The following ITIH4 variants were observed in gnomAD, a reference collection of about 807,000 sequenced individuals.
ITIH4 encodes inter-alpha-trypsin inhibitor heavy chain H4.
Under a neutral mutation model 111.8 loss-of-function variants are expected in ITIH4, and 79 were observed. The observed-to-expected ratio is 0.71, with a 90% confidence interval of 0.59 to 0.85. ITIH4 has a LOEUF of 0.85. Ranked by LOEUF, ITIH4 falls within the 40% of genes least tolerant of loss-of-function variation. ITIH4 has a pLI of 0.00. For missense variants in ITIH4, 1,065 were observed against 1,195.8 expected, an observed-to-expected ratio of 0.89 and a Z score of 1.61; for synonymous variants, 472 against 468.3, an observed-to-expected ratio of 1.01 and a Z score of -0.10.
Position 52,823,542 on chromosome 3 carries a change from T to C in ITIH4, c.1539+14A>G. On this transcript the variant is annotated intron_variant, in intron 11 of 23. Coordinates refer to ENST00000266041, the MANE Select transcript of ITIH4 (RefSeq NM_002218.5). The stretch of plus-strand genomic sequence containing the variant: ...GCTGCCATTCCCCTCCAGGGTGGCT[T>C]TGGCCACACTCACCAGCTTCCCACT... 6.3e-7 allele frequency: 1 copy of C among 1,586,242 alleles called. No homozygotes were observed. The highest frequency in any genetic ancestry group is 8.6e-7 in the Non-Finnish European group (1 of 1,164,684).
At position 52,826,748 on chromosome 3, in the gene ITIH4, G is replaced by C. The variant is rs377082125; in HGVS notation, c.519+43C>G. ...AGAGGGGCCGCCCTCAGCAGGGCAAGGGTCATGCAGGAGGCCTCCCTGGAA... is the reference window on the plus strand; with the variant it reads ...AGAGGGGCCGCCCTCAGCAGGGCAACGGTCATGCAGGAGGCCTCCCTGGAA... On this transcript the variant is annotated intron_variant, in intron 4 of 23. Coordinates refer to ENST00000266041, the MANE Select transcript of ITIH4 (RefSeq NM_002218.5). The C allele has an allele frequency of 9.8e-5, 158 of 1,613,330 alleles. 1 individual carries two copies. The highest frequency in any genetic ancestry group is 2.5e-4 in the East Asian group (11 of 44,870).
chr3:52,826,734 C>T, intron 4 of ITIH4, 57 bp downstream of exon 4: 1 of 1,612,980 alleles, frequency 6.2e-7, no homozygotes, highest in South Asian at 1.1e-5. Context: ...GAGGGGCCGC[C>T]CTCAGCAGGG....
Position 52,819,735 on chromosome 3 carries a change from G to A in ITIH4, c.1951+19C>T, listed in dbSNP as rs1421306917. The A allele has an allele frequency of 6.2e-7, 1 of 1,613,092 alleles. No homozygotes were observed. Among genetic ancestry groups the A allele is most frequent in the South Asian group, 1.1e-5 (1 of 91,060 alleles). ...CCCAGGGATGTCATGCCTCCCCCTG[G>A]CAGAAACCCTCAAACTACCTTGTCT... On this transcript the variant is annotated intron_variant, in intron 16 of 23. Coordinates refer to ENST00000266041, the MANE Select transcript of ITIH4 (RefSeq NM_002218.5).
At chr3:52,813,944 TGG>T in intron 23 of ITIH4, 29 bp downstream of exon 23, 1 of 1,580,644 alleles carries the variant, frequency 6.3e-7, no homozygotes, top group South Asian at 1.1e-5. Flanking sequence ...CCACCCCAGC[TGG>T]GCTCAGCGGT....
intron 21 of ITIH4, among the ~76,000 whole-genome samples, chr3:52,816,627 A>G (rs1195030377): frequency 1.3e-5 from 2 of 152,206 alleles, no homozygotes; most frequent in Non-Finnish European, 2.9e-5. Flanking sequence ...CAGGGTCACA[A>G]GGATTAGCAG....
At chr3:52,827,531 A>G (rs969494144) in intron 2 of ITIH4, among the ~76,000 whole-genome samples, 1 of 152,202 alleles carries the variant, frequency 6.6e-6, no homozygotes. Context: ...AAGCTGGCCC[A>G]CATTCCCACC....
At chr3:52,818,331 GGGA>G in intron 18 of ITIH4, 48 bp from the exon 19 acceptor site, 1 of 1,569,084 alleles carries the variant, frequency 6.4e-7, no homozygotes, top group Non-Finnish European at 8.7e-7. Flanking sequence ...CCTGAGGAGT[GGGA>G]GGTTGAGGGA....
chr3:52,822,072 G>A (rs915616229), intron 11 of ITIH4, among the ~76,000 whole-genome samples: 15 of 152,314 alleles, frequency 9.8e-5, no homozygotes, highest in South Asian at 6.2e-4. Flanking sequence ...GGCCAGGTGC[G>A]GTGGCTCACG....
chr3:52,821,985 T>C (rs1011670650), intron 11 of ITIH4, among the ~76,000 whole-genome samples: 1 of 152,226 alleles, frequency 6.6e-6, no homozygotes, highest in African/African-American at 2.4e-5. Flanking sequence ...GCTATTTAAT[T>C]GATATTTTTC....
At chr3:52,828,511 C>T (rs1700519409) in intron 2 of ITIH4, among the ~76,000 whole-genome samples, 1 of 152,196 alleles carries the variant, frequency 6.6e-6, no homozygotes, top group South Asian at 2.1e-4. Flanking sequence ...CACAGCTTTT[C>T]CTGGCAGCAA....
At chr3:52,828,706 G>C (rs1206993737) in intron 2 of ITIH4, among the ~76,000 whole-genome samples, 1 of 152,172 alleles carries the variant, frequency 6.6e-6, no homozygotes, top group Non-Finnish European at 1.5e-5. Context: ...GCAGACCTAG[G>C]AGAATCCTCC....
chr3:52,821,165 G>C, intron 11 of ITIH4, 35 bp from the exon 12 acceptor site: 2 of 1,601,442 alleles, frequency 1.2e-6, no homozygotes, highest in Non-Finnish European at 1.7e-6. Flanking sequence ...CAGGAGCAGT[G>C]AGGGCCGGAC....
intron 11 of ITIH4, among the ~76,000 whole-genome samples, chr3:52,821,773 A>T (rs1700385727): frequency 6.6e-6 from 1 of 152,130 alleles, no homozygotes; most frequent in Non-Finnish European, 1.5e-5. Context: ...GCTGCCTGGG[A>T]AATGGGCTCC....
intron 21 of ITIH4, among the ~76,000 whole-genome samples, chr3:52,816,374 G>A (rs1281369836): frequency 6.6e-6 from 1 of 152,252 alleles, no homozygotes; most frequent in Non-Finnish European, 1.5e-5. Flanking sequence ...TAAAGAGAAT[G>A]CTGGTAACAT....
chr3:52,825,044 T>G (rs1700461106), intron 6 of ITIH4, 86 bp from the exon 7 acceptor site: 1 of 880,784 alleles, frequency 1.1e-6, no homozygotes, highest in South Asian at 1.6e-5. Flanking sequence ...AATTCTGGGT[T>G]TCTGTGCTCT....
intron 5 of ITIH4, 35 bp from the exon 6 acceptor site, chr3:52,826,049 C>G (rs763396950): frequency 1.6e-4 from 251 of 1,612,570 alleles, no homozygotes; most frequent in Admixed American, 2.3e-4. Context: ...TTGGGAGGAA[C>G]AGCAAAGCCA....
At chr3:52,814,146 T>C in intron 22 of ITIH4, 63 bp downstream of exon 22, 1 of 1,604,500 alleles carries the variant, frequency 6.2e-7, no homozygotes, top group South Asian at 1.1e-5. Flanking sequence ...GGAGGGGCGC[T>C]GCCTGTTCCC....
chr3:52,829,086 G>A, intron 2 of ITIH4, 33 bp downstream of exon 2: 1 of 1,562,574 alleles, frequency 6.4e-7, no homozygotes, highest in African/African-American at 1.4e-5. Flanking sequence ...ACTGGGGGGT[G>A]TGGAGAGGGG....
At chr3:52,823,311 C>A (rs969339351) in intron 11 of ITIH4, 5 of 520,510 alleles carry the variant, frequency 9.6e-6, no homozygotes, top group Non-Finnish European at 1.7e-5. Context: ...GGGATGACAA[C>A]TAGGGAGGAA....
Sources: gnomAD v4.1 joint callset for allele counts (sites outside exome capture counted in the v4.1 genomes callset) on GRCh38, gnomAD v4.1.1 for gene constraint, MANE v1.5 for transcripts, NCBI Gene and HGNC (gene_info 2026-07-23, HGNC 2026-07-21) for gene names.